RNF213: variants seen among roughly 807,000 people sequenced by gnomAD.
RNF213 encodes the protein E3 ubiquitin-protein ligase RNF213.
RNF213 carries 341 observed loss-of-function variants against 514.4 expected under a neutral mutation model. The ratio of observed to expected loss-of-function variants is 0.66; its 90% CI spans 0.61 to 0.73. RNF213 has a LOEUF of 0.73. Ranked by LOEUF, RNF213 falls within the 30% of genes least tolerant of loss-of-function variation. The pLI, the probability that RNF213 is intolerant of heterozygous loss-of-function variation, is 0.00. For synonymous variants in RNF213, 2,655 were observed against 2,658.2 expected (o/e 1.00, Z 0.04); for missense variants, 5,767 against 6,615.6 (o/e 0.87, Z 4.45).
intron 3 of RNF213, among the ~76,000 whole-genome samples, chr17:80,286,297 C>T (rs1206963655): frequency 1.3e-5 from 2 of 151,910 alleles, no homozygotes; most frequent in African/African-American, 4.8e-5. Context: ...GGGGTGGGGG[C>T]GCCTCCTGTG....
chr17:80,295,754 T>G lies in RNF213; in HGVS notation c.1953T>G (p.Asp651Glu), dbSNP rs1488629136. Residue 651 changes from aspartate (D) to glutamate (E), a missense_variant, in exon 10 of 68, where the codon GAT becomes GAG. Asp to Glu is a conservative substitution (Grantham distance 45, BLOSUM62 2). Transcript: ENST00000582970. ...LDWLCHLLTSDASSPDEFHRD... is the reference protein window; with the variant it reads ...LDWLCHLLTSEASSPDEFHRD... ...GGTTGTGTCACCTCCTAACCTCAGA[T>G]GCCAGCTCACCAGATGAGTTTCACC... The G allele has an allele frequency of 6.2e-6, 10 of 1,614,106 alleles. No homozygotes were observed. The highest frequency in any genetic ancestry group is 8.5e-6 in the Non-Finnish European group (10 of 1,180,048).
chr17:80,392,485 T>A (rs1255386661), intron 67 of RNF213, among the ~76,000 whole-genome samples: 12 of 152,200 alleles, frequency 7.9e-5, no homozygotes, highest in Admixed American at 7.9e-4. Context: ...TGGGCTTCTG[T>A]CGTGTTTGTG....
intron 42 of RNF213, among the ~76,000 whole-genome samples, chr17:80,365,793 C>T (rs1045727848): frequency 4.6e-5 from 7 of 152,166 alleles, no homozygotes; most frequent in East Asian, 3.9e-4. Context: ...CATCATGTCT[C>T]GGCGCTCTGG....
At chr17:80,284,913 C>T (rs771511089) in intron 3 of RNF213, among the ~76,000 whole-genome samples, 4 of 152,218 alleles carry the variant, frequency 2.6e-5, no homozygotes, top group Non-Finnish European at 5.9e-5. Context: ...CCCAGTGGGT[C>T]CCTATGGCCA....
Position 80,317,220 on chromosome 17 carries a change from C to T in RNF213, c.2844C>T (p.Pro948=), listed in dbSNP as rs560977175. The T allele has an allele frequency of 2.3e-5, 37 of 1,612,784 alleles. No homozygotes were observed. Among genetic ancestry groups the T allele is most frequent in the South Asian group, 1.7e-4 (15 of 90,314 alleles). The part of the protein sequence containing the change: ...VWRRLVEIQF[P]AEHGWKESLL... Reference sequence around the variant, plus strand: ...GGCGGCTGGTGGAAATCCAATTCCCCGCGGAGCATGGCTGGAAGGAGTCGT... The same window carrying T: ...GGCGGCTGGTGGAAATCCAATTCCCTGCGGAGCATGGCTGGAAGGAGTCGT... Residue 948 remains proline, a synonymous_variant, in exon 16 of 68, where the codon CCC becomes CCT. Coordinates refer to ENST00000582970, the MANE Select transcript of RNF213 (RefSeq NM_001256071.3). The surrounding 1 kb of genome is among the most constrained non-coding windows in gnomAD (Gnocchi z 4.1).
Position 80,309,860 on chromosome 17 carries a change from A to G in RNF213, c.2655+689A>G, listed in dbSNP as rs532687584. Among the ~76,000 whole-genome samples, 13 of 151,854 alleles carry G rather than the reference A, an allele frequency of 8.6e-5. No individual in the cohort carries two copies. In the East Asian group the frequency reaches 2.1e-3, roughly 25 times the overall value. On this transcript the variant is annotated intron_variant, in intron 14 of 67. Coordinates refer to ENST00000582970, the MANE Select transcript of RNF213 (RefSeq NM_001256071.3). ...AAGCTCCGCCTCCTGGGTTCACGCC[A>G]TTCTCCTGTCTCAACCTCCCAAGTA...
At position 80,372,984 on chromosome 17, in the gene RNF213, A is replaced by T. The variant is rs753645827; in HGVS notation, c.12761A>T (p.Lys4254Met). 7.4e-6 allele frequency: 12 copies of T among 1,613,678 alleles called. No individual in the cohort carries two copies. The South Asian group carries it at 1.3e-4, about 18-fold the overall frequency. The change falls in exon 49 of 68, where the codon AAG (lysine) becomes ATG (methionine). Residue 4254 changes from lysine (K) to methionine (M), a missense_variant. Physicochemically the swap from Lys to Met is moderately conservative, Grantham distance 95. Transcript: ENST00000582970. ...CTCGTTGGCCTCTCAGAGATGGCCA[A>T]GGAGAAGCAGTGCTACCTGCAGCAA... is the stretch of plus-strand genomic sequence containing the variant. ...SEPEGGPEMAKEKQCYLQQVK... is the reference protein window; with the variant it reads ...SEPEGGPEMAMEKQCYLQQVK...
At chr17:80,294,622 A>T (rs1424301991) in intron 8 of RNF213, 98 bp from the exon 9 acceptor site, 18 of 1,429,488 alleles carry the variant, frequency 1.3e-5, no homozygotes, top group Non-Finnish European at 1.7e-5. Flanking sequence ...CATTTACTCC[A>T]TATCTGTACC....
chr17:80,366,529 C>T (rs937914983), intron 42 of RNF213, among the ~76,000 whole-genome samples: 3 of 152,090 alleles, frequency 2.0e-5, no homozygotes, highest in African/African-American at 7.2e-5. Context: ...CATTTGCTGT[C>T]TTCTCTGGAG....
chr17:80,279,975 C>A (rs1003459647), intron 3 of RNF213, among the ~76,000 whole-genome samples: 2 of 152,162 alleles, frequency 1.3e-5, no homozygotes, highest in African/African-American at 4.8e-5. Flanking sequence ...CACCGCGCTC[C>A]CCCCAGCCCC....
chr17:80,365,533 G>A (rs2079230835), intron 42 of RNF213, among the ~76,000 whole-genome samples: 1 of 125,296 alleles, frequency 8.0e-6, no homozygotes, highest in African/African-American at 4.0e-5. Flanking sequence ...AGGACAGGCC[G>A]TTTTCCTTAA....
At chr17:80,291,259 A>T in intron 7 of RNF213, among the ~76,000 whole-genome samples, 1 of 142,770 alleles carries the variant, frequency 7.0e-6, no homozygotes, top group African/African-American at 2.7e-5. Context: ...TTTCTTTCTT[A>T]TAATTTTTTT....
chr17:80,333,009 C>A (rs569202443), intron 21 of RNF213, among the ~76,000 whole-genome samples: 1 of 151,834 alleles, frequency 6.6e-6, no homozygotes, highest in South Asian at 2.1e-4. Context: ...CACCCAAAAG[C>A]GGTAAATCAG....
At chr17:80,372,385 A>G (rs1033585115) in intron 47 of RNF213, 136 bp from the exon 48 acceptor site, 2 of 702,128 alleles carry the variant, frequency 2.8e-6, no homozygotes, top group Admixed American at 5.4e-5. Flanking sequence ...TCCATAAGTC[A>G]AGAAATTTAC....
chr17:80,273,482 G>A (rs1355420994), intron 3 of RNF213, 78 bp downstream of exon 3: 2 of 1,585,050 alleles, frequency 1.3e-6, no homozygotes, highest in Non-Finnish European at 1.7e-6. Flanking sequence ...TGCCCAGCTA[G>A]CCCCCGAAAA....
intron 38 of RNF213, 56 bp from the exon 39 acceptor site, chr17:80,361,678 G>A: frequency 6.2e-7 from 1 of 1,601,714 alleles, no homozygotes; most frequent in South Asian, 1.1e-5. Flanking sequence ...CCTGGAGGCA[G>A]GGGAGCGCCA....
At position 80,339,630 on chromosome 17, in the gene RNF213, T is replaced by C; in HGVS notation, c.5263T>C (p.Tyr1755His). The C allele has an allele frequency of 6.5e-7, 1 of 1,537,170 alleles. No homozygotes were observed. The change falls in exon 26 of 68, where the codon TAC becomes CAC. Residue 1755 changes from tyrosine to histidine, a missense_variant. Tyr to His is a moderately conservative substitution (Grantham distance 83). Transcript: ENST00000582970. Reference sequence around the variant, plus strand: ...GGGGTGTGGGAGTGAGGCCGCCAGGTACCGCATGAGGAGAGTCATGGAAGA... The same window carrying C: ...GGGGTGTGGGAGTGAGGCCGCCAGGCACCGCATGAGGAGAGTCATGGAAGA... ...SVGCGSEAAR[Y>H]RMRRVMEELP... is the part of the protein sequence containing the mutation.
At chr17:80,266,395 C>A (rs2043612571) in intron 2 of RNF213, among the ~76,000 whole-genome samples, 1 of 151,386 alleles carries the variant, frequency 6.6e-6, no homozygotes, top group Non-Finnish European at 1.5e-5. Context: ...GCCTGGGTGA[C>A]AGAGTGAGAC....
chr17:80,371,395 G>A (rs574846436), intron 46 of RNF213, among the ~76,000 whole-genome samples: 11 of 152,362 alleles, frequency 7.2e-5, no homozygotes, highest in Non-Finnish European at 1.2e-4. Flanking sequence ...CAGGCAGGCC[G>A]CTGACTTCCA....
Sources: gnomAD v4.1 joint callset for allele counts (sites outside exome capture counted in the v4.1 genomes callset) on GRCh38, gnomAD v4.1.1 for gene constraint, Gnocchi (gnomAD v3.1) non-coding constraint, MANE v1.5 for transcripts, NCBI Gene and HGNC (gene_info 2026-07-23, HGNC 2026-07-21) for gene names.